Variants in ZNF18 observed in about 807,000 individuals in gnomAD.
ZNF18 encodes the protein zinc finger protein 18.
ZNF18 carries 42 observed loss-of-function variants against 58.1 expected under a neutral mutation model. That is an observed-to-expected ratio of 0.72 (90% CI 0.56 to 0.93). The LOEUF is 0.93. Among genes scored for constraint, ZNF18 ranks in the 40% least tolerant of loss-of-function variants. ZNF18 has a pLI of 0.00. For synonymous variants in ZNF18, 231 were observed against 239.8 expected, an observed-to-expected ratio of 0.96 and a Z score of 0.34; for missense variants, 540 against 644.2, an observed-to-expected ratio of 0.84 and a Z score of 1.75.
the ZNF18 span, among the ~76,000 whole-genome samples, chr17:12,003,235 C>T: frequency 2.6e-5 from 4 of 152,028 alleles, no homozygotes; most frequent in South Asian, 8.3e-4. Context: ...GTCAGGTGTT[C>T]GAGACCAGCC....
At chr17:11,987,349 T>A (rs1212661432) in intron 4 of ZNF18, among the ~76,000 whole-genome samples, 1 of 152,240 alleles carries the variant, frequency 6.6e-6, no homozygotes, top group Non-Finnish European at 1.5e-5. Flanking sequence ...TATTCTGGCA[T>A]TATTTATGAA....
the ZNF18 span, chr17:12,010,991 T>G: frequency 2.7e-6 from 2 of 738,146 alleles, no homozygotes. Context: ...CTTAACTTGT[T>G]TGTTTACAAC....
At chr17:12,011,461 C>A in the ZNF18 span, among the ~76,000 whole-genome samples, 1 of 152,014 alleles carries the variant, frequency 6.6e-6, no homozygotes, top group Non-Finnish European at 1.5e-5. Context: ...TCTCAGCTCA[C>A]TGCAACCTCT....
chr17:12,001,378 C>A (rs2151493116), upstream of ZNF18, among the ~76,000 whole-genome samples: 1 of 152,150 alleles, frequency 6.6e-6, no homozygotes, highest in East Asian at 1.9e-4. Flanking sequence ...ACCTGTAATC[C>A]CAACACTTTG....
chr17:11,980,639 G>A (rs919670945), intron 6 of ZNF18, among the ~76,000 whole-genome samples: 12 of 151,912 alleles, frequency 7.9e-5, no homozygotes, highest in Admixed American at 3.9e-4. Flanking sequence ...GGCTGGTCTC[G>A]AACTCCTGAC....
At chr17:12,021,373 G>T in the ZNF18 span, 13 of 154,828 alleles carry the variant, frequency 8.4e-5, no homozygotes, top group Admixed American at 6.5e-5. Flanking sequence ...TCGGGGCTGC[G>T]GCGGAGCGGG....
At chr17:11,993,923 T>C (rs1326083926) in intron 1 of ZNF18, among the ~76,000 whole-genome samples, 1 of 151,488 alleles carries the variant, frequency 6.6e-6, no homozygotes, top group Non-Finnish European at 1.5e-5. Flanking sequence ...TTTATGTGAA[T>C]GGTATCAAAT....
At chr17:11,992,190 G>GT (rs1240873584) in intron 2 of ZNF18, among the ~76,000 whole-genome samples, 1 of 152,180 alleles carries the variant, frequency 6.6e-6, no homozygotes, top group Non-Finnish European at 1.5e-5. Context: ...AGAAGTACAG[G>GT]TGGCCCCTGG....
intron 4 of ZNF18, among the ~76,000 whole-genome samples, chr17:11,989,002 TA>T (rs1967928196): frequency 6.6e-6 from 1 of 151,842 alleles, no homozygotes; most frequent in South Asian, 2.1e-4. Context: ...CTACTAAAAA[TA>T]CAAAAATTAG....
At chr17:11,993,303 C>T (rs1009290411) in intron 1 of ZNF18, among the ~76,000 whole-genome samples, 13 of 151,944 alleles carry the variant, frequency 8.6e-5, no homozygotes, top group Admixed American at 1.3e-4. Flanking sequence ...ATATTAATGC[C>T]CTAGGAATAA....
upstream of ZNF18, among the ~76,000 whole-genome samples, chr17:12,001,498 A>G (rs559641327): frequency 3.4e-4 from 51 of 152,216 alleles, no homozygotes; most frequent in African/African-American, 1.0e-3. Flanking sequence ...GCGTGGTGGC[A>G]GGTGCCTGTA....
chr17:12,018,874 T>C, the ZNF18 span, among the ~76,000 whole-genome samples: 2 of 151,712 alleles, frequency 1.3e-5, no homozygotes, highest in Non-Finnish European at 2.9e-5. Flanking sequence ...TGTATTTCTC[T>C]TTTAATTCAG....
chr17:12,017,544 T>G, the ZNF18 span, among the ~76,000 whole-genome samples: 2 of 152,202 alleles, frequency 1.3e-5, no homozygotes, highest in African/African-American at 4.8e-5. Flanking sequence ...GAAATCCAGT[T>G]GTAAATTACT....
chr17:12,014,481 G>T, the ZNF18 span, among the ~76,000 whole-genome samples: 1 of 152,158 alleles, frequency 6.6e-6, no homozygotes, highest in African/African-American at 2.4e-5. Flanking sequence ...TTGATACATG[G>T]TACAACATAG....
At chr17:11,992,322 T>C (rs947378534) in intron 2 of ZNF18, 121 bp downstream of exon 2, 8 of 1,290,126 alleles carry the variant, frequency 6.2e-6, no homozygotes, top group East Asian at 2.4e-5. Context: ...GAATTGGCCA[T>C]TGGTGTGAAA....
At chr17:12,003,439 CAA>C in the ZNF18 span, among the ~76,000 whole-genome samples, 39 of 72,428 alleles carry the variant, frequency 5.4e-4, no homozygotes, top group Admixed American at 8.1e-4. Context: ...GACTCTGTCT[CAA>C]AAAAAAAAAA....
At chr17:12,011,695 ATTT>A in the ZNF18 span, among the ~76,000 whole-genome samples, 13 of 87,590 alleles carry the variant, frequency 1.5e-4, no homozygotes, top group African/African-American at 5.9e-4. Flanking sequence ...AATGTTCTTA[ATTT>A]TTTTTTTTTT....
the ZNF18 span, among the ~76,000 whole-genome samples, chr17:12,011,811 C>T: frequency 2.1e-3 from 324 of 150,872 alleles, 2 homozygotes; most frequent in African/African-American, 7.3e-3. Context: ...AGTGATTCTC[C>T]TGCCTCAGCC....
At chr17:11,989,653 C>G (rs1040684494) in intron 4 of ZNF18, among the ~76,000 whole-genome samples, 1 of 151,934 alleles carries the variant, frequency 6.6e-6, no homozygotes, top group Non-Finnish European at 1.5e-5. Flanking sequence ...AACTTAAAGA[C>G]ATCAAAATAG....
Sources: allele counts gnomAD v4.1 joint callset (sites outside exome capture counted in the v4.1 genomes callset), GRCh38; gene constraint gnomAD v4.1.1; transcripts MANE v1.5; gene names NCBI Gene and HGNC (gene_info 2026-07-23, HGNC 2026-07-21).